RNF135: variants seen among roughly 807,000 people sequenced by gnomAD.
The protein encoded by RNF135 is ring finger protein 135.
In RNF135, 46 loss-of-function variants were observed where a neutral mutation model predicts 41.9. The observed-to-expected ratio is 1.10, with a 90% CI of 0.87 to 1.40. RNF135 has a LOEUF of 1.40. Among genes scored for constraint, RNF135 ranks in the 40% most tolerant of loss-of-function variants. The pLI, the probability that RNF135 is intolerant of heterozygous loss-of-function variation, is 0.00. For synonymous variants in RNF135, 238 were observed against 223.8 expected (o/e 1.06, Z -0.57); for missense variants, 539 against 549.8 (o/e 0.98, Z 0.20).
intron 4 of RNF135, 74 bp from the exon 5 acceptor site, chr17:30,998,588 T>C (rs939467032): frequency 6.9e-7 from 1 of 1,450,724 alleles, no homozygotes; most frequent in African/African-American, 1.4e-5. Flanking sequence ...AAAGTTGCTA[T>C]TTGAAGACTT....
intron 1 of RNF135, chr17:30,973,163 C>T (rs1047118001): frequency 6.6e-6 from 1 of 152,166 alleles, no homozygotes; most frequent in Non-Finnish European, 1.5e-5. Context: ...ATCTTCATTG[C>T]AGAAATGTCT....
intron 2 of RNF135, among the ~76,000 whole-genome samples, chr17:30,986,982 A>C (rs544968512): frequency 7.9e-5 from 12 of 152,290 alleles, no homozygotes; most frequent in Admixed American, 4.6e-4. Flanking sequence ...GAAAACACTC[A>C]ATAAGTGTAA....
chr17:30,968,195 G>A (rs1210907480), upstream of RNF135, among the ~76,000 whole-genome samples: 1 of 151,122 alleles, frequency 6.6e-6, no homozygotes, highest in Non-Finnish European at 1.5e-5. Context: ...GGCTGAGGCA[G>A]GAGAATGGTT....
chr17:30,970,998 A>T, upstream of RNF135: 1 of 1,523,708 alleles, frequency 6.6e-7, no homozygotes, highest in Non-Finnish European at 8.8e-7. Flanking sequence ...CAAGGGGAAG[A>T]GGAAGGGCGA....
chr17:30,980,547 A>G (rs1907039190), intron 1 of RNF135, among the ~76,000 whole-genome samples: 1 of 131,196 alleles, frequency 7.6e-6, no homozygotes. Flanking sequence ...CCGGGCGGAG[A>G]CGCTCCTCAC....
the RNF135 span, among the ~76,000 whole-genome samples, chr17:30,964,545 A>C: frequency 1.3e-5 from 2 of 151,980 alleles, no homozygotes; most frequent in Non-Finnish European, 2.9e-5. Context: ...CGGAGTTTGC[A>C]GTGAGGCAAG....
chr17:30,987,719 T>C lies in RNF135; in HGVS notation c.517-225T>C, dbSNP rs60383489. ...AAAGCAAATTAAAGTGCTCCATAAC[T>C]CCATCACCCAGAAATAACCACTCTT... On this transcript the variant is annotated intron_variant, in intron 2 of 4. Coordinates refer to ENST00000328381, the MANE Select transcript of RNF135 (RefSeq NM_032322.4). Among the ~76,000 whole-genome samples the C allele has an allele frequency of 5.3e-3, 799 of 152,096 alleles. 10 individuals carry two copies. The highest frequency in any genetic ancestry group is 0.018 in the African/African-American group (761 of 41,370).
intron 3 of RNF135, among the ~76,000 whole-genome samples, chr17:30,995,804 A>C (rs963185023): frequency 6.6e-6 from 1 of 151,112 alleles, no homozygotes; most frequent in Non-Finnish European, 1.5e-5. Context: ...CCCAGGCTGG[A>C]GTGCAGTGGT....
At chr17:30,983,340 TATATATA>T (rs1421832594) in intron 1 of RNF135, among the ~76,000 whole-genome samples, 1,303 of 32,852 alleles carry the variant, frequency 0.04, 23 homozygotes, top group East Asian at 0.095. Flanking sequence ...TATATATATA[TATATATA>T]TATATATTTT....
intron 2 of RNF135, among the ~76,000 whole-genome samples, chr17:30,987,200 A>G (rs1907651445): frequency 6.6e-6 from 1 of 151,884 alleles, no homozygotes; most frequent in African/African-American, 2.4e-5. Context: ...GCGAAGTGAA[A>G]TGATATAATG....
chr17:30,989,984 CAAAAAAAAAAAAA>C (rs10627734), intron 3 of RNF135, among the ~76,000 whole-genome samples: 1 of 55,308 alleles, frequency 1.8e-5, no homozygotes, highest in Non-Finnish European at 4.3e-5. Context: ...AACTCTGTCT[CAAAAAAAAAAAAA>C]AAAAAAAAGA....
At chr17:30,966,354 T>TTTTATTTA (rs143848316), upstream of RNF135, among the ~76,000 whole-genome samples, 16 of 148,194 alleles carry the variant, frequency 1.1e-4, no homozygotes, top group African/African-American at 3.8e-4. Context: ...TTTATTTTTA[T>TTTTATTTA]TTTATTTATT....
chr17:30,983,020 C>G (rs964387631), intron 1 of RNF135, among the ~76,000 whole-genome samples: 1 of 151,916 alleles, frequency 6.6e-6, no homozygotes, highest in Non-Finnish European at 1.5e-5. Context: ...CAGTATCTGT[C>G]TTTTTGTGAC....
chr17:30,984,805 T>TCCACTGGGAGAGGAAAGGATGTGGA, intron 2 of RNF135, 45 bp downstream of exon 2: 1 of 1,601,310 alleles, frequency 6.2e-7, no homozygotes, highest in Non-Finnish European at 8.6e-7. Context: ...GGAATAGGGC[T>TCCACTGGGAGAGGAAAGGATGTGGA]AGGGATTGCT....
chr17:30,963,014 T>C, the RNF135 span, among the ~76,000 whole-genome samples: 5 of 152,152 alleles, frequency 3.3e-5, no homozygotes, highest in South Asian at 2.1e-4. Flanking sequence ...CCCTAGCGGT[T>C]GACAATGTCG....
intron 4 of RNF135, among the ~76,000 whole-genome samples, chr17:30,998,272 C>T (rs1489133860): frequency 6.6e-6 from 1 of 152,170 alleles, no homozygotes; most frequent in Non-Finnish European, 1.5e-5. Context: ...GGTGCAGTGG[C>T]TCATGCCTGT....
the RNF135 span, among the ~76,000 whole-genome samples, chr17:30,964,687 C>CTT: frequency 5.1e-5 from 7 of 138,408 alleles, no homozygotes; most frequent in Middle Eastern, 7.2e-3. Context: ...CATTTCTTAT[C>CTT]TTTTTTTTTT....
chr17:30,991,397 G>GT lies in RNF135; in HGVS notation c.679+3299dup, dbSNP rs940700103. On this transcript the variant is annotated intron_variant, in intron 3 of 4. Coordinates refer to ENST00000328381, the MANE Select transcript of RNF135 (RefSeq NM_032322.4). ...ACATTGACGTGAGAGTATACTGCGCGTTTTTTTTCTCTTTCTCTTTCTTTT... is the reference window on the plus strand; with the variant it reads ...ACATTGACGTGAGAGTATACTGCGCGTTTTTTTTTCTCTTTCTCTTTCTTTT... Among the ~76,000 whole-genome samples, 8 of 149,284 alleles carry GT rather than the reference G, an allele frequency of 5.4e-5. No homozygotes were observed. The East Asian group carries it at 7.8e-4, about 15-fold the overall frequency.
chr17:30,998,600 T>C, intron 4 of RNF135, 62 bp from the exon 5 acceptor site: 1 of 1,544,096 alleles, frequency 6.5e-7, no homozygotes, highest in Admixed American at 1.7e-5. Flanking sequence ...TGAAGACTTC[T>C]TAGCATGGAC....
Sources: gnomAD v4.1 joint callset for allele counts (sites outside exome capture counted in the v4.1 genomes callset) on GRCh38, gnomAD v4.1.1 for gene constraint, MANE v1.5 for transcripts, NCBI Gene and HGNC (gene_info 2026-07-23, HGNC 2026-07-21) for gene names.